SYT3: variants seen among roughly 807,000 people sequenced by gnomAD.
SYT3 encodes the protein synaptotagmin-3.
In SYT3, 25 loss-of-function variants were observed where a neutral mutation model predicts 50.6. That is an observed-to-expected ratio of 0.49 (90% CI 0.36 to 0.69). The LOEUF is 0.69. Among genes scored for constraint, SYT3 ranks in the 30% least tolerant of loss-of-function variants. The pLI, the probability that SYT3 is intolerant of heterozygous loss-of-function variation, is 0.00. For synonymous variants in SYT3, 323 were observed against 353.9 expected (o/e 0.91, Z 0.98); for missense variants, 589 against 793.6 (o/e 0.74, Z 3.10).
intron 3 of SYT3, among the ~76,000 whole-genome samples, chr19:50,635,094 T>C (rs1302469518): frequency 3.3e-5 from 5 of 151,978 alleles, no homozygotes; most frequent in Non-Finnish European, 7.4e-5. Flanking sequence ...GTTTTTGTAT[T>C]TTTAGTAGAG....
chr19:50,648,177 G>A, the SYT3 span, among the ~76,000 whole-genome samples: 1 of 152,018 alleles, frequency 6.6e-6, no homozygotes, highest in Non-Finnish European at 1.5e-5. Context: ...TGATGTGGTA[G>A]CACCGAGAGC....
At chr19:50,640,855 T>C (rs1984653108), upstream of SYT3, among the ~76,000 whole-genome samples, 1 of 152,234 alleles carries the variant, frequency 6.6e-6, no homozygotes, top group Admixed American at 6.5e-5. Flanking sequence ...GATCTAGATC[T>C]ACATAGCCTG....
At chr19:50,650,504 T>A in the SYT3 span, among the ~76,000 whole-genome samples, 1 of 152,070 alleles carries the variant, frequency 6.6e-6, no homozygotes, top group Non-Finnish European at 1.5e-5. Context: ...TGAAACCCCA[T>A]CTCTAAAAAT....
Position 50,632,252 on chromosome 19 carries a change from C to T in SYT3, c.674+34G>A, listed in dbSNP as rs1984333095. ...GAGACACAGAGGAGGAGCAGAAGTT[C>T]AGAGTGGACCCCCAACCCAGTATCC... On this transcript the variant is annotated intron_variant, in intron 4 of 10. Coordinates refer to ENST00000600079, the MANE Select transcript of SYT3 (RefSeq NM_001160329.2). This position sits in a 1 kb window ranked among gnomAD's most constrained non-coding sequence, Gnocchi z 4.7. The T allele has an allele frequency of 2.0e-6, 3 of 1,519,908 alleles. No individual in the cohort carries two copies. The highest frequency in any genetic ancestry group is 2.7e-6 in the Non-Finnish European group (3 of 1,131,028). The allele number at this position is 1,519,908 out of a possible 1,614,324, so 94.2% of individuals were successfully genotyped here.
chr19:50,654,342 G>A, the SYT3 span, among the ~76,000 whole-genome samples: 22 of 150,864 alleles, frequency 1.5e-4, no homozygotes, highest in South Asian at 6.3e-4. Context: ...TCACTCTGTC[G>A]CCCAGGCTGG....
intron 4 of SYT3, among the ~76,000 whole-genome samples, chr19:50,631,569 G>A (rs368589139): frequency 2.0e-5 from 3 of 152,070 alleles, no homozygotes; most frequent in East Asian, 1.9e-4. Flanking sequence ...CTAGGATCTC[G>A]TTCTCCTCTT....
chr19:50,649,490 C>T, the SYT3 span: 4 of 1,536,120 alleles, frequency 2.6e-6, no homozygotes, highest in Non-Finnish European at 3.5e-6. Context: ...CATGGGCAGC[C>T]CCACCATGCA....
rs36099001 is a variant in SYT3 at position 50,627,726 on chromosome 19, C to CAA, written c.1281+1566_1281+1567dup. Among the ~76,000 whole-genome samples the CAA allele has an allele frequency of 3.8e-3, 367 of 96,372 alleles. 6 individuals are homozygous for CAA. The highest frequency in any genetic ancestry group is 0.014 in the African/African-American group (350 of 24,352). 63.2% of individuals were successfully genotyped at this position (96,372 alleles called of 152,430 possible). ...TGGGTGACAGAGAGAGACTCTGTCT[C>CAA]AAAAAAAAAAAAAAAAAAATGAGAG... On this transcript the variant is annotated intron_variant, in intron 6 of 10. Transcript: ENST00000600079.
rs1207808823 is a variant in SYT3 at position 50,632,091 on chromosome 19, G to A, written c.674+195C>T. Among the ~76,000 whole-genome samples the A allele has an allele frequency of 1.3e-5, 2 of 151,898 alleles. No homozygotes were observed. The highest frequency in any genetic ancestry group is 2.9e-5 in the Non-Finnish European group (2 of 67,984). ...AGTCCCCTACTTCTTCTGGTCCAAG[G>A]GGTCTAGACCCCACAGCCCCAACCT... On this transcript the variant is annotated intron_variant, in intron 4 of 10. Coordinates refer to ENST00000600079, the MANE Select transcript of SYT3 (RefSeq NM_001160329.2). The surrounding 1 kb of genome is among the most constrained non-coding windows in gnomAD (Gnocchi z 4.7).
At chr19:50,652,878 G>C in the SYT3 span, among the ~76,000 whole-genome samples, 3 of 152,080 alleles carry the variant, frequency 2.0e-5, no homozygotes, top group Non-Finnish European at 4.4e-5. Context: ...CACGCACACT[G>C]GATCCAGATG....
chr19:50,650,983 G>A, the SYT3 span, among the ~76,000 whole-genome samples: 3 of 152,342 alleles, frequency 2.0e-5, no homozygotes, highest in Middle Eastern at 3.4e-3. Context: ...GTTGATCGAC[G>A]TTTGTTCATT....
At chr19:50,657,964 G>C in the SYT3 span, 5 of 1,512,732 alleles carry the variant, frequency 3.3e-6, no homozygotes, top group Non-Finnish European at 4.4e-6. Flanking sequence ...GCCACGGGCT[G>C]AGGTTCTCTC....
Position 50,625,251 on chromosome 19 carries a change from CG to C in SYT3, c.1617del (p.Asp540ThrfsTer28). 6.4e-7 allele frequency: 1 copy of C among 1,561,014 alleles called. No individual in the cohort carries two copies. ...NEVIGVCRVG[P>X]DAADPHGREH... Reference sequence around the variant, plus strand: ...TCGCGGCCGTGCGGGTCGGCAGCGTCGGGGCCCACACGGCACACGCCGATCA... The same window carrying C: ...TCGCGGCCGTGCGGGTCGGCAGCGTCGGGCCCACACGGCACACGCCGATCA... On this transcript the variant is annotated frameshift_variant, in exon 9 of 11. Coordinates refer to ENST00000600079, the MANE Select transcript of SYT3 (RefSeq NM_001160329.2). LOFTEE classifies it high-confidence loss of function. The surrounding 1 kb of genome is among the most constrained non-coding windows in gnomAD (Gnocchi z 7.5).
chr19:50,645,408 G>A, the SYT3 span, among the ~76,000 whole-genome samples: 5 of 152,156 alleles, frequency 3.3e-5, no homozygotes. Context: ...CAGAGACATA[G>A]AGAGAAAGGG....
At chr19:50,630,298 C>T (rs1444710570) in intron 4 of SYT3, 127 bp from the exon 5 acceptor site, 6 of 954,022 alleles carry the variant, frequency 6.3e-6, no homozygotes, top group Non-Finnish European at 7.5e-6. Flanking sequence ...AAGTCCCCTC[C>T]TTTGCTCACT....
chr19:50,622,487 C>G lies in SYT3; in HGVS notation c.*4-6G>C. ...ATCCCGGGCCTAGGCCAGACCTGCA[C>G]GATGGAGCAGGAAAGGAGGGGTCAG... On this transcript the variant is annotated splice_polypyrimidine_tract_variant and splice_region_variant and intron_variant, in intron 10 of 10. Transcript: ENST00000600079. 1 of 540,032 alleles carries G rather than the reference C, an allele frequency of 1.9e-6. No individual in the cohort carries two copies. Among genetic ancestry groups the G allele is most frequent in the Non-Finnish European group, 3.5e-6 (1 of 288,964 alleles). 33.5% of individuals were successfully genotyped at this position (540,032 alleles called of 1,614,324 possible).
chr19:50,649,366 G>A, the SYT3 span: 12 of 1,385,738 alleles, frequency 8.7e-6, no homozygotes, highest in Non-Finnish European at 1.2e-5. Context: ...CAGCGGTGGG[G>A]AGAAGGAGCT....
In SYT3 at chr19:50,633,381, A is replaced by G. The variant is rs542154609; in HGVS notation, c.149-570T>C. Among the ~76,000 whole-genome samples, 6 of 152,336 alleles carry G rather than the reference A, an allele frequency of 3.9e-5. No individual in the cohort carries two copies. In the South Asian group the frequency reaches 1.0e-3, roughly 26 times the overall value. On this transcript the variant is annotated intron_variant, in intron 3 of 10. Coordinates refer to ENST00000600079, the MANE Select transcript of SYT3 (RefSeq NM_001160329.2). ...ACAAGTAATAAATGACAGTTCTGAG[A>G]TTTGAATCCAGCAGTCTCTCTCCAG...
the SYT3 span, chr19:50,656,022 C>A: frequency 6.5e-7 from 1 of 1,534,032 alleles, no homozygotes; most frequent in Non-Finnish European, 8.7e-7. Flanking sequence ...GGGCTCAGGG[C>A]AGCTGACACT....
Sources: allele counts gnomAD v4.1 joint callset (sites outside exome capture counted in the v4.1 genomes callset), GRCh38; gene constraint gnomAD v4.1.1; non-coding constraint Gnocchi (gnomAD v3.1); transcripts MANE v1.5; gene names NCBI Gene and HGNC (gene_info 2026-07-23, HGNC 2026-07-21).